WWC2: variants seen among roughly 807,000 people sequenced by gnomAD.
WWC2 encodes protein WWC2.
In WWC2, 101 loss-of-function variants were observed where a neutral mutation model predicts 138.5. The observed-to-expected ratio is 0.73, with a 90% CI of 0.62 to 0.86. WWC2 has a LOEUF of 0.86. Ranked by LOEUF, WWC2 falls within the 40% of genes least tolerant of loss-of-function variation. The pLI, the probability that WWC2 is intolerant of heterozygous loss-of-function variation, is 0.00. For missense variants in WWC2, 1,420 were observed against 1,419.4 expected, an observed-to-expected ratio of 1.00 and a Z score of -0.01; for synonymous variants, 558 against 538.4, an observed-to-expected ratio of 1.04 and a Z score of -0.50.
At position 183,312,332 on chromosome 4, in the gene WWC2, CT is replaced by C; in HGVS notation, c.3385-5del. ...TGTGTGTTTCTTACATTTTTATTCC[CT>C]TTTCCAGGCTGAACAGTCCAAAGAA... is the stretch of plus-strand genomic sequence containing the variant. On this transcript the variant is annotated splice_polypyrimidine_tract_variant and splice_region_variant and intron_variant, in intron 21 of 22. Coordinates refer to ENST00000403733, the MANE Select transcript of WWC2 (RefSeq NM_024949.6). 6.2e-7 allele frequency: 1 copy of C among 1,611,902 alleles called. No individual in the cohort carries two copies. The highest frequency in any genetic ancestry group is 1.1e-5 in the South Asian group (1 of 90,902).
intron 2 of WWC2, among the ~76,000 whole-genome samples, chr4:183,195,495 C>A (rs995366292): frequency 6.6e-6 from 1 of 152,150 alleles, no homozygotes; most frequent in Non-Finnish European, 1.5e-5. Context: ...CCTACAGATA[C>A]CTCTTAATAA....
chr4:183,237,511 T>C (rs1196739592), intron 4 of WWC2, among the ~76,000 whole-genome samples: 4 of 152,140 alleles, frequency 2.6e-5, no homozygotes, highest in African/African-American at 9.7e-5. Context: ...ACCTTTAAAA[T>C]CCTGTTCAGG....
chr4:183,133,764 G>T lies in WWC2; in HGVS notation c.131+34142G>T, dbSNP rs563346748. Among the ~76,000 whole-genome samples the T allele has an allele frequency of 7.6e-3, 1,155 of 152,238 alleles. 12 individuals are homozygous for T. The highest frequency in any genetic ancestry group is 0.027 in the African/African-American group (1,107 of 41,530). On this transcript the variant is annotated intron_variant, in intron 1 of 22. Transcript: ENST00000403733. ...CCCACCTTGGCCTCCCAAAGTGCTG[G>T]GATTACAGGCGTGAGCCACCATGCC...
At chr4:183,211,556 G>A (rs1735598624) in intron 4 of WWC2, among the ~76,000 whole-genome samples, 1 of 152,084 alleles carries the variant, frequency 6.6e-6, no homozygotes, top group African/African-American at 2.4e-5. Flanking sequence ...TCAATTTCCA[G>A]TTTCCCTTTT....
intron 2 of WWC2, among the ~76,000 whole-genome samples, 180 bp downstream of exon 2, chr4:183,193,888 A>G (rs1422875050): frequency 1.3e-5 from 2 of 152,118 alleles, no homozygotes; most frequent in Non-Finnish European, 2.9e-5. Flanking sequence ...AGTTGTCCTT[A>G]TGGGGGCGGA....
At chr4:183,250,406 T>C (rs1736941847) in intron 8 of WWC2, among the ~76,000 whole-genome samples, 1 of 152,176 alleles carries the variant, frequency 6.6e-6, no homozygotes, top group Non-Finnish European at 1.5e-5. Context: ...TATTTGCCTT[T>C]GATTTGAAGG....
chr4:183,209,788 G>A (rs1284735284), intron 4 of WWC2, among the ~76,000 whole-genome samples: 2 of 152,116 alleles, frequency 1.3e-5, no homozygotes, highest in African/African-American at 4.8e-5. Context: ...TGATGTTAAG[G>A]CCAGAACTTG....
rs55750701 is a variant in WWC2, at chr4:183,306,881, C to CAAAAAAAAAAAAAAAAAAAAAA, written c.3385-5444_3385-5443insAAAAAAAAAAAAAAAAAAAAAA. On this transcript the variant is annotated intron_variant, in intron 21 of 22. Transcript: ENST00000403733. ...CTAACAGCACCAACTATATATGAGG[C>CAAAAAAAAAAAAAAAAAAAAAA]AAAAAAAAAAAAAAAACTACAAGGA... Among the ~76,000 whole-genome samples the CAAAAAAAAAAAAAAAAAAAAAA allele has an allele frequency of 3.5e-5, 3 of 85,118 alleles. 1 individual carries two copies. Among genetic ancestry groups the CAAAAAAAAAAAAAAAAAAAAAA allele is most frequent in the Non-Finnish European group, 6.8e-5 (3 of 44,018 alleles). The allele number at this position is 85,118 out of a possible 152,430, so 55.8% of individuals were successfully genotyped here. A position where few individuals can be genotyped will look rare whatever the true frequency, so the allele number is the denominator to read the frequency against.
Position 183,319,449 on chromosome 4 carries a change from G to A in WWC2, c.*3720G>A. On this transcript the variant is annotated 3_prime_UTR_variant, in exon 23 of 23. Transcript: ENST00000403733. ...TAGTTTAATAGCCACAGGAAAAGATGCATTTTCAAAAATCAAAAGCACAGT... is the reference window on the plus strand; with the variant it reads ...TAGTTTAATAGCCACAGGAAAAGATACATTTTCAAAAATCAAAAGCACAGT... 8.6e-7 allele frequency: 1 copy of A among 1,161,038 alleles called. No individual in the cohort carries two copies. Among genetic ancestry groups the A allele is most frequent in the South Asian group, 1.6e-5 (1 of 64,132 alleles). 71.9% of individuals were successfully genotyped at this position (1,161,038 alleles called of 1,614,324 possible).
chr4:183,253,072 G>A (rs888911359), intron 8 of WWC2, among the ~76,000 whole-genome samples: 2 of 152,016 alleles, frequency 1.3e-5, no homozygotes, highest in Non-Finnish European at 2.9e-5. Flanking sequence ...GTAGAGACAG[G>A]GTCTCGCTAT....
In WWC2 at chr4:183,208,107, C is replaced by T. The variant is rs200694014; in HGVS notation, c.396C>T (p.Tyr132=). 3.8e-4 allele frequency: 620 copies of T among 1,613,738 alleles called. No homozygotes were observed. Among genetic ancestry groups the T allele is most frequent in the Admixed American group, 4.2e-4 (25 of 59,998 alleles). The stretch of plus-strand genomic sequence containing the variant: ...GGCTGGCGCTGGCCCTGGATGAATA[C>T]GTGCGATTAAATGATGCCTATAAGG... ...EQRLALALDE[Y]VRLNDAYKEK... The change falls in exon 3 of 23, where the codon TAC becomes TAT. Residue 132 remains tyrosine (Y), a synonymous_variant. Coordinates refer to ENST00000403733, the MANE Select transcript of WWC2 (RefSeq NM_024949.6).
At position 183,193,647 on chromosome 4, in the gene WWC2, G is replaced by C. The variant is rs200518855; in HGVS notation, c.180G>C (p.Pro60=). The change falls in exon 2 of 23, where the codon CCG becomes CCC. Residue 60 remains proline (P), a synonymous_variant. Transcript: ENST00000403733. ...CTGATTGTGTTGGGGATGAGCTGCC[G>C]TGGGGATGGGAAGCAGGGTTTGACC... The part of the protein sequence containing the change: ...SFADCVGDEL[P]WGWEAGFDPQ... The C allele has an allele frequency of 2.5e-6, 4 of 1,613,824 alleles. No homozygotes were observed. The highest frequency in any genetic ancestry group is 3.4e-6 in the Non-Finnish European group (4 of 1,179,894).
rs567937009 is a variant in WWC2 at position 183,294,187 on chromosome 4, A to C, written c.3384+4552A>C. On this transcript the variant is annotated intron_variant, in intron 21 of 22. Coordinates refer to ENST00000403733, the MANE Select transcript of WWC2 (RefSeq NM_024949.6). ...AAAACAGGGCAGGCCATAGTTTGCC[A>C]ACTGCTGATACAGAGGAAGAATTAA... Among the ~76,000 whole-genome samples the C allele has an allele frequency of 2.0e-5, 3 of 152,324 alleles. No homozygotes were observed. The East Asian group carries it at 5.8e-4, about 29-fold the overall frequency.
intron 1 of WWC2, among the ~76,000 whole-genome samples, chr4:183,179,747 G>A (rs1489282940): frequency 6.6e-6 from 1 of 152,108 alleles, no homozygotes; most frequent in Admixed American, 6.6e-5. Context: ...TAGATACCCT[G>A]CTATGGAATG....
At chr4:183,306,990 C>T (rs563385972) in intron 21 of WWC2, among the ~76,000 whole-genome samples, 1 of 150,822 alleles carries the variant, frequency 6.6e-6, no homozygotes, top group African/African-American at 2.4e-5. Context: ...TTGAACTCAA[C>T]GGCACTATTA....
intron 1 of WWC2, among the ~76,000 whole-genome samples, chr4:183,193,002 CAGA>C (rs1385348561): frequency 3.3e-5 from 5 of 152,166 alleles, no homozygotes; most frequent in African/African-American, 1.2e-4. Flanking sequence ...AAAGCAATTT[CAGA>C]AGGTGAGATC....
intron 1 of WWC2, among the ~76,000 whole-genome samples, chr4:183,142,399 A>G (rs1386372282): frequency 6.6e-6 from 1 of 152,168 alleles, no homozygotes; most frequent in Middle Eastern, 3.2e-3. Flanking sequence ...TAAAATCAAG[A>G]TAACTGTTAA....
At chr4:183,131,603 G>A (rs1460387253) in intron 1 of WWC2, among the ~76,000 whole-genome samples, 3 of 152,092 alleles carry the variant, frequency 2.0e-5, no homozygotes, top group Admixed American at 6.5e-5. Context: ...TTTGTTCTAT[G>A]TGCTACAAAT....
At position 183,289,475 on chromosome 4, in the gene WWC2, C is replaced by T; in HGVS notation, c.3224C>T (p.Ala1075Val). The change falls in exon 21 of 23, where the codon GCA becomes GTA. Residue 1075 changes from alanine to valine, a missense_variant. Transcript: ENST00000403733. ...CTAGACTTAGAACTGGACCTTCAGG[C>T]ATCTCTGACCCGGCAGAGCCGCCTC... ...TSLDLELDLQ[A>V]SLTRQSRLND... 1 of 1,613,572 alleles carries T rather than the reference C, an allele frequency of 6.2e-7. No homozygotes were observed. Among genetic ancestry groups the T allele is most frequent in the Non-Finnish European group, 8.5e-7 (1 of 1,179,720 alleles).
Sources: gnomAD v4.1 joint callset for allele counts (sites outside exome capture counted in the v4.1 genomes callset) on GRCh38, gnomAD v4.1.1 for gene constraint, MANE v1.5 for transcripts, NCBI Gene and HGNC (gene_info 2026-07-23, HGNC 2026-07-21) for gene names.